SORCS1: variants seen among roughly 807,000 people sequenced by gnomAD.
The protein encoded by SORCS1 is VPS10 domain-containing receptor SorCS1.
In SORCS1, 60 loss-of-function variants were observed where a neutral mutation model predicts 146.1. That is an observed-to-expected ratio of 0.41 (90% CI 0.33 to 0.51). The LOEUF is 0.51. Ranked by LOEUF, SORCS1 falls within the 20% of genes least tolerant of loss-of-function variation. The pLI is 0.21. For missense variants in SORCS1, 1,352 were observed against 1,487.6 expected (o/e 0.91, Z 1.50); for synonymous variants, 637 against 584.0 (o/e 1.09, Z -1.31).
At chr10:107,123,123 C>T (rs530745147) in intron 1 of SORCS1, among the ~76,000 whole-genome samples, 1 of 134,158 alleles carries the variant, frequency 7.5e-6, no homozygotes, top group Non-Finnish European at 1.6e-5. Flanking sequence ...CACAACAAAA[C>T]TGAATGAAGC....
chr10:107,087,485 G>A (rs1963850578), intron 1 of SORCS1, among the ~76,000 whole-genome samples: 2 of 152,176 alleles, frequency 1.3e-5, no homozygotes, highest in African/African-American at 4.8e-5. Context: ...AGTAATATTA[G>A]ACAGTTTTAA....
chr10:107,032,566 C>A (rs910784590), intron 1 of SORCS1, among the ~76,000 whole-genome samples: 1 of 152,152 alleles, frequency 6.6e-6, no homozygotes, highest in African/African-American at 2.4e-5. Flanking sequence ...CTGATATCAA[C>A]CAGCAATGAG....
intron 2 of SORCS1, among the ~76,000 whole-genome samples, chr10:106,951,329 G>A (rs1954670094): frequency 6.6e-6 from 1 of 152,008 alleles, no homozygotes; most frequent in Non-Finnish European, 1.5e-5. Context: ...GGCTAACATG[G>A]TGAAACCCCG....
intron 2 of SORCS1, among the ~76,000 whole-genome samples, chr10:106,948,008 G>A (rs1954446809): frequency 6.6e-6 from 1 of 152,034 alleles, no homozygotes; most frequent in Non-Finnish European, 1.5e-5. Context: ...GCATACTCTG[G>A]GATGCTTACA....
chr10:106,598,279 T>TATTATTATC, intron 23 of SORCS1, among the ~76,000 whole-genome samples: 1 of 147,166 alleles, frequency 6.8e-6, no homozygotes, highest in African/African-American at 2.5e-5. Context: ...TTATTATTAT[T>TATTATTATC]TGAGATGGAG....
chr10:106,578,784 T>G, intron 25 of SORCS1: 1 of 1,201,640 alleles, frequency 8.3e-7, no homozygotes, highest in Non-Finnish European at 1.0e-6. Context: ...TATATACTAT[T>G]AAAGCAAATG....
At chr10:106,711,088 A>T (rs1177826386) in intron 6 of SORCS1, among the ~76,000 whole-genome samples, 1 of 152,188 alleles carries the variant, frequency 6.6e-6, no homozygotes, top group Non-Finnish European at 1.5e-5. Context: ...CTATAAAGAC[A>T]AATGCCTTTT....
At chr10:106,991,650 T>C (rs929567813) in intron 1 of SORCS1, among the ~76,000 whole-genome samples, 9 of 152,226 alleles carry the variant, frequency 5.9e-5, no homozygotes, top group African/African-American at 1.9e-4. Context: ...AATAATTATC[T>C]GTTTTTGATT....
chr10:106,880,300 T>C (rs1471369720), intron 2 of SORCS1, among the ~76,000 whole-genome samples: 1 of 152,222 alleles, frequency 6.6e-6, no homozygotes, highest in Non-Finnish European at 1.5e-5. Context: ...AAAGATACTA[T>C]GAAATAAAGA....
At chr10:106,745,119 T>C (rs1196992155) in intron 5 of SORCS1, among the ~76,000 whole-genome samples, 1 of 152,000 alleles carries the variant, frequency 6.6e-6, no homozygotes, top group East Asian at 1.9e-4. Context: ...AAAGAGATAT[T>C]AGTAAAGAAA....
intron 18 of SORCS1, among the ~76,000 whole-genome samples, chr10:106,633,219 T>C (rs1023597454): frequency 6.6e-6 from 1 of 152,206 alleles, no homozygotes; most frequent in African/African-American, 2.4e-5. Flanking sequence ...TATGGGGGTA[T>C]ATGTGATATT....
chr10:107,121,872 G>A (rs1055422387), intron 1 of SORCS1, among the ~76,000 whole-genome samples: 1 of 152,158 alleles, frequency 6.6e-6, no homozygotes, highest in Admixed American at 6.5e-5. Flanking sequence ...GCTATCAAAG[G>A]AAACCAATAT....
At position 106,579,461 on chromosome 10, in the gene SORCS1, G is replaced by C. The variant is rs150447595; in HGVS notation, c.3279C>G (p.Asp1093Glu). The C allele has an allele frequency of 6.8e-6, 11 of 1,613,770 alleles. No individual in the cohort carries two copies. The Admixed American group carries it at 1.8e-4, about 27-fold the overall frequency. Residue 1093 changes from aspartate to glutamate, a missense_variant, in exon 25 of 26, where the codon GAC (aspartate) becomes GAG (glutamate). Asp to Glu is a conservative substitution (Grantham distance 45). Coordinates refer to ENST00000263054, the MANE Select transcript of SORCS1 (RefSeq NM_052918.5). ...CAGATCCACTGTGGGTTGGAGTGAG[G>C]TCCACCAGGGGGGCTTGTGGGGGAA... The part of the protein sequence containing the change: ...AAHLTAAPLV[D>E]LTPTHSGSAM...
intron 1 of SORCS1, among the ~76,000 whole-genome samples, chr10:106,998,416 C>T (rs1378280280): frequency 2.0e-5 from 3 of 152,164 alleles, no homozygotes; most frequent in African/African-American, 7.2e-5. Flanking sequence ...TTAAGAAACA[C>T]ATTTTGTTTT....
At chr10:106,935,800 C>G (rs1262743670) in intron 2 of SORCS1, among the ~76,000 whole-genome samples, 1 of 152,236 alleles carries the variant, frequency 6.6e-6, no homozygotes, top group Non-Finnish European at 1.5e-5. Flanking sequence ...ACAGAACATA[C>G]TATTTACTTC....
At chr10:107,110,611 C>G (rs1965628879) in intron 1 of SORCS1, among the ~76,000 whole-genome samples, 1 of 152,080 alleles carries the variant, frequency 6.6e-6, no homozygotes, top group African/African-American at 2.4e-5. Context: ...CCAAAACCTC[C>G]CACCAACTCC....
intron 4 of SORCS1, among the ~76,000 whole-genome samples, chr10:106,762,264 G>T (rs1433858265): frequency 1.3e-5 from 2 of 151,790 alleles, no homozygotes; most frequent in African/African-American, 4.8e-5. Flanking sequence ...AGATAGACAG[G>T]GACAAGATAT....
chr10:107,146,515 A>G (rs1011895937), intron 1 of SORCS1, among the ~76,000 whole-genome samples: 3 of 152,150 alleles, frequency 2.0e-5, no homozygotes, highest in East Asian at 1.9e-4. Flanking sequence ...CTTATGGAGG[A>G]TCGAGGCTAT....
At chr10:106,944,527 A>T (rs1954210389) in intron 2 of SORCS1, among the ~76,000 whole-genome samples, 1 of 152,206 alleles carries the variant, frequency 6.6e-6, no homozygotes, top group Admixed American at 6.5e-5. Context: ...ACATACTGAC[A>T]TAATCTCTCA....
Sources: allele counts gnomAD v4.1 joint callset (sites outside exome capture counted in the v4.1 genomes callset), GRCh38; gene constraint gnomAD v4.1.1; transcripts MANE v1.5; gene names NCBI Gene and HGNC (gene_info 2026-07-23, HGNC 2026-07-21).